The following DEDD2 variants were observed in gnomAD, a reference collection of about 807,000 sequenced individuals.
DEDD2 encodes DNA-binding death effector domain-containing protein 2.
In DEDD2, 18 loss-of-function variants were observed where a neutral mutation model predicts 28.9. That is an observed-to-expected ratio of 0.62 (90% CI 0.43 to 0.92). The LOEUF is 0.92. Among genes scored for constraint, DEDD2 ranks in the 40% least tolerant of loss-of-function variants. The pLI is 0.00. For synonymous variants in DEDD2, 211 were observed against 206.1 expected, an observed-to-expected ratio of 1.02 and a Z score of -0.20; for missense variants, 411 against 463.3, an observed-to-expected ratio of 0.89 and a Z score of 1.04.
intron 4 of DEDD2, among the ~76,000 whole-genome samples, chr19:42,205,508 T>A (rs547778316): frequency 1.3e-5 from 2 of 152,134 alleles, no homozygotes; most frequent in East Asian, 3.9e-4. Flanking sequence ...ATGCCTGTAA[T>A]CCTAGCTACT....
At chr19:42,208,218 A>C (rs979985692) in intron 4 of DEDD2, among the ~76,000 whole-genome samples, 8 of 152,162 alleles carry the variant, frequency 5.3e-5, no homozygotes, top group Admixed American at 6.5e-5. Flanking sequence ...CACATGACCA[A>C]GTGGAATTTC....
At chr19:42,217,107 C>T in intron 1 of DEDD2, 62 bp from the exon 2 acceptor site, 2 of 1,272,640 alleles carry the variant, frequency 1.6e-6, no homozygotes, top group Non-Finnish European at 2.2e-6. Flanking sequence ...AACCCCACAC[C>T]GCCAGCGCGT....
intron 3 of DEDD2, 28 bp downstream of exon 3, chr19:42,215,105 G>A (rs1325777957): frequency 1.2e-6 from 2 of 1,612,412 alleles, no homozygotes; most frequent in East Asian, 2.2e-5. Context: ...GAGGGATGCT[G>A]CCATTACACC....
chr19:42,206,087 A>T (rs185041563), intron 4 of DEDD2, among the ~76,000 whole-genome samples: 11,631 of 142,176 alleles, frequency 0.082, 599 homozygotes, highest in Middle Eastern at 0.18. Flanking sequence ...CTCATAATTT[A>T]AAAAAAAAAA....
chr19:42,208,416 C>T (rs1246946740), intron 4 of DEDD2, among the ~76,000 whole-genome samples: 3 of 152,322 alleles, frequency 2.0e-5, no homozygotes, highest in East Asian at 1.9e-4. Flanking sequence ...CCTCTTCAAG[C>T]GATTAATTTA....
chr19:42,216,828 G>A lies in DEDD2; in HGVS notation c.180C>T (p.Ala60=), dbSNP rs780915867. 2.1e-5 allele frequency: 33 copies of A among 1,585,436 alleles called. No individual in the cohort carries two copies. In the African/African-American group the frequency reaches 3.2e-4, roughly 16 times the overall value. ...GGAGCTCTAGGCCGCTGCGGGCCCG[G>A]GCTAAGCCTCCGGCGGCGCCAGGAG... ...DEAPGAAGGL[A]RARSGLELLL... Residue 60 remains alanine (A), a synonymous_variant, in exon 2 of 5, where the codon GCC becomes GCT. Coordinates refer to ENST00000596251, the MANE Select transcript of DEDD2 (RefSeq NM_133328.4).
chr19:42,199,842 G>C lies in DEDD2; in HGVS notation c.590-13C>G. The C allele has an allele frequency of 6.3e-7, 1 of 1,575,668 alleles. No individual in the cohort carries two copies. The highest frequency in any genetic ancestry group is 1.2e-5 in the South Asian group (1 of 86,936). On this transcript the variant is annotated splice_polypyrimidine_tract_variant and intron_variant, in intron 4 of 4. Transcript: ENST00000596251. This position sits in a 1 kb window ranked among gnomAD's most constrained non-coding sequence, Gnocchi z 7.4. ...CGGAGCCGGATGTCTGCAGGGGAAG[G>C]AGGGATTTGTCAGGGAGGGGGCCAA...
At chr19:42,219,130 C>A (rs1265473364), upstream of DEDD2, among the ~76,000 whole-genome samples, 1 of 151,544 alleles carries the variant, frequency 6.6e-6, no homozygotes, top group East Asian at 1.9e-4. Context: ...CATGGAGAAA[C>A]CCCATCTCTA....
At chr19:42,213,462 G>A (rs1326303449) in intron 3 of DEDD2, among the ~76,000 whole-genome samples, 2 of 152,234 alleles carry the variant, frequency 1.3e-5, no homozygotes, top group African/African-American at 4.8e-5. Context: ...GGACAAACAT[G>A]GCAGATATCC....
Position 42,199,300 on chromosome 19 carries a change from C to A in DEDD2, c.*138G>T. On this transcript the variant is annotated 3_prime_UTR_variant, in exon 5 of 5. Transcript: ENST00000596251. The surrounding 1 kb of genome is among the most constrained non-coding windows in gnomAD (Gnocchi z 7.4). ...GCCCACATCCTGTGGGAGGGGCTGT[C>A]AAGGGGCCTGCTGTCCCGGTCCTGT... The A allele has an allele frequency of 7.7e-7, 1 of 1,298,772 alleles. No homozygotes were observed. Among genetic ancestry groups the A allele is most frequent in the Non-Finnish European group, 1.0e-6 (1 of 976,790 alleles). The allele number at this position is 1,298,772 out of a possible 1,614,324, so 80.5% of individuals were successfully genotyped here. A position where few individuals can be genotyped will look rare whatever the true frequency, so the allele number is the denominator to read the frequency against.
At chr19:42,212,234 T>C (rs978775886) in intron 3 of DEDD2, among the ~76,000 whole-genome samples, 1 of 149,404 alleles carries the variant, frequency 6.7e-6, no homozygotes, top group Non-Finnish European at 1.5e-5. Context: ...GATATGGTGG[T>C]GTGTACCTGT....
At chr19:42,213,843 T>A (rs1052162573) in intron 3 of DEDD2, among the ~76,000 whole-genome samples, 1 of 152,224 alleles carries the variant, frequency 6.6e-6, no homozygotes, top group African/African-American at 2.4e-5. Context: ...AACTCAACTA[T>A]GAATAGATTC....
intron 4 of DEDD2, among the ~76,000 whole-genome samples, chr19:42,207,936 C>G (rs1168282690): frequency 6.6e-6 from 1 of 152,110 alleles, no homozygotes; most frequent in African/African-American, 2.4e-5. Flanking sequence ...CCCTTCCCAG[C>G]TCCTCTTCCA....
intron 4 of DEDD2, chr19:42,202,074 T>G (rs2146853721): frequency 2.5e-6 from 1 of 398,792 alleles, no homozygotes; most frequent in South Asian, 1.3e-4. Flanking sequence ...TTTCCCCATC[T>G]GAAACACAAA....
At chr19:42,201,001 G>A (rs963237143) in intron 4 of DEDD2, among the ~76,000 whole-genome samples, 10 of 152,218 alleles carry the variant, frequency 6.6e-5, no homozygotes, top group African/African-American at 2.4e-4. Context: ...AGGATCAGCT[G>A]TGAGCCAGAA....
intron 4 of DEDD2, among the ~76,000 whole-genome samples, chr19:42,204,252 A>G (rs1405598423): frequency 6.6e-6 from 1 of 152,110 alleles, no homozygotes; most frequent in Non-Finnish European, 1.5e-5. Context: ...AAGAGTTCCT[A>G]GTTGGGTGGT....
intron 2 of DEDD2, among the ~76,000 whole-genome samples, chr19:42,216,017 C>T (rs2035953190): frequency 6.6e-6 from 1 of 152,162 alleles, no homozygotes; most frequent in South Asian, 2.1e-4. Context: ...CCACACTGGC[C>T]TCTGATGATG....
intron 2 of DEDD2, among the ~76,000 whole-genome samples, chr19:42,215,933 G>A (rs575030835): frequency 2.0e-5 from 3 of 152,282 alleles, no homozygotes; most frequent in African/African-American, 4.8e-5. Context: ...TCCCAGCTAC[G>A]TTCTCTGCAA....
chr19:42,213,814 T>C (rs1031224923), intron 3 of DEDD2, among the ~76,000 whole-genome samples: 4 of 152,120 alleles, frequency 2.6e-5, no homozygotes, highest in African/African-American at 9.7e-5. Flanking sequence ...GCAGGAGACA[T>C]AACAACTGAA....
Sources: gnomAD v4.1 joint callset for allele counts (sites outside exome capture counted in the v4.1 genomes callset) on GRCh38, gnomAD v4.1.1 for gene constraint, Gnocchi (gnomAD v3.1) non-coding constraint, MANE v1.5 for transcripts, NCBI Gene and HGNC (gene_info 2026-07-23, HGNC 2026-07-21) for gene names.